Variants in CD8B2 observed in about 807,000 individuals in gnomAD.
CD8B2 encodes the protein CD8B family member 2, also known as T-cell surface glycoprotein CD8 beta-2 chain.
CD8B2 carries 11 observed loss-of-function variants against 23.7 expected under a neutral mutation model. The observed-to-expected ratio is 0.46, with a 90% CI of 0.29 to 0.77. CD8B2 has a LOEUF of 0.77. Ranked by LOEUF, CD8B2 falls within the 30% of genes least tolerant of loss-of-function variation. The pLI is 0.09. For missense variants in CD8B2, 197 were observed against 270.5 expected (o/e 0.73, Z 1.91); for synonymous variants, 90 against 109.3 (o/e 0.82, Z 1.10).
At chr2:106,501,227 A>C (rs1212140651) in intron 3 of CD8B2, among the ~76,000 whole-genome samples, 3 of 152,232 alleles carry the variant, frequency 2.0e-5, no homozygotes, top group East Asian at 3.9e-4. Context: ...CAAAAGGCCC[A>C]CTGATGACAA....
In CD8B2 at chr2:106,490,990, T is replaced by G; in HGVS notation, c.160T>G (p.Trp54Gly). 1 of 1,614,000 alleles carries G rather than the reference T, an allele frequency of 6.2e-7. No homozygotes were observed. Among genetic ancestry groups the G allele is most frequent in the Non-Finnish European group, 8.5e-7 (1 of 1,179,868 alleles). ...KISLSNMCIYWLRQRQAPSSD... is the reference protein window; with the variant it reads ...KISLSNMCIYGLRQRQAPSSD... ...CTCCCTCAGTAACATGTGCATCTAC[T>G]GGCTGAGACAGCGCCAGGCCCCGAG... Residue 54 changes from tryptophan to glycine, a missense_variant, in exon 2 of 6, where the codon TGG (tryptophan) becomes GGG (glycine). This residue lies in a region of CD8B2 where 140 missense variants were observed against 164.2 expected (regional missense o/e 0.85). Coordinates refer to ENST00000643224, the MANE Select transcript of CD8B2 (RefSeq NM_001349727.2).
At chr2:106,521,368 C>T (rs1679823354) in intron 5 of CD8B2, among the ~76,000 whole-genome samples, 1 of 152,210 alleles carries the variant, frequency 6.6e-6, no homozygotes, top group South Asian at 2.1e-4. Flanking sequence ...CCTAATGGCA[C>T]GGCTGCTAGC....
intron 5 of CD8B2, among the ~76,000 whole-genome samples, chr2:106,520,627 C>A (rs1055391448): frequency 1.3e-5 from 2 of 152,158 alleles, no homozygotes; most frequent in African/African-American, 4.8e-5. Flanking sequence ...CATGGTGGCT[C>A]ACACCTATAA....
intron 5 of CD8B2, among the ~76,000 whole-genome samples, chr2:106,505,467 G>T (rs1384712021): frequency 6.6e-6 from 1 of 152,152 alleles, no homozygotes; most frequent in Non-Finnish European, 1.5e-5. Context: ...CAATCTCACA[G>T]TCAGTGTGAG....
chr2:106,501,719 T>A (rs1679411237), intron 3 of CD8B2, among the ~76,000 whole-genome samples: 1 of 152,222 alleles, frequency 6.6e-6, no homozygotes, highest in Middle Eastern at 3.4e-3. Flanking sequence ...ACCCTATATG[T>A]ATCTATAAAA....
At chr2:106,521,023 GGAGA>G (rs70953586) in intron 5 of CD8B2, among the ~76,000 whole-genome samples, 31,720 of 130,310 alleles carry the variant, frequency 0.24, 3,823 homozygotes, top group African/African-American at 0.3. Context: ...ATGTTTTAAG[GGAGA>G]GAGAGAGAGA....
chr2:106,540,710 G>C (rs927243964), intron 5 of CD8B2, among the ~76,000 whole-genome samples: 1 of 151,938 alleles, frequency 6.6e-6, no homozygotes, highest in Non-Finnish European at 1.5e-5. Flanking sequence ...GATTACAGGC[G>C]CCTACCACCA....
chr2:106,527,191 G>T (rs1024106198), intron 5 of CD8B2, among the ~76,000 whole-genome samples: 6 of 152,116 alleles, frequency 3.9e-5, no homozygotes, highest in Non-Finnish European at 8.8e-5. Context: ...TTCCCACCAG[G>T]AATGTAAGAG....
rs1393789172 is a variant in CD8B2 at position 106,510,377 on chromosome 2, CT to C, written c.*3442del. 6.6e-6 allele frequency: 1 copy of C among 151,794 alleles called. No individual in the cohort carries two copies. The highest frequency in any genetic ancestry group is 2.4e-5 in the African/African-American group (1 of 41,260). The allele number at this position is 151,794 out of a possible 1,614,324, so 9.4% of individuals were successfully genotyped here. A position where few individuals can be genotyped will look rare whatever the true frequency, so the allele number is the denominator to read the frequency against. ...TGTAAATTATACTTCAAGAAAGAGA[CT>C]TTTTAAAATCCAAGTACAGAACATT... On this transcript the variant is annotated 3_prime_UTR_variant, in exon 6 of 6. Coordinates refer to ENST00000643224, the MANE Select transcript of CD8B2 (RefSeq NM_001349727.2).
chr2:106,501,661 G>A (rs1331284653), intron 3 of CD8B2, among the ~76,000 whole-genome samples: 1 of 152,172 alleles, frequency 6.6e-6, no homozygotes, highest in Non-Finnish European at 1.5e-5. Flanking sequence ...CAGCCTGGGC[G>A]ACAGAGCGAG....
At chr2:106,534,389 A>G (rs1281164640) in intron 5 of CD8B2, among the ~76,000 whole-genome samples, 1 of 152,208 alleles carries the variant, frequency 6.6e-6, no homozygotes, top group Non-Finnish European at 1.5e-5. Flanking sequence ...TGAAAGAAAA[A>G]GATCCGATGC....
intron 5 of CD8B2, among the ~76,000 whole-genome samples, chr2:106,536,270 G>C (rs747543483): frequency 6.6e-6 from 1 of 152,122 alleles, no homozygotes; most frequent in Non-Finnish European, 1.5e-5. Flanking sequence ...GACTTCAGGT[G>C]ATCCGCCTGC....
intron 2 of CD8B2, among the ~76,000 whole-genome samples, chr2:106,494,093 CA>C (rs1295990548): frequency 6.6e-6 from 1 of 151,966 alleles, no homozygotes; most frequent in Non-Finnish European, 1.5e-5. Context: ...TAGAAGATGC[CA>C]GCCCAAAAAT....
At chr2:106,534,774 C>T (rs1205199401) in intron 5 of CD8B2, among the ~76,000 whole-genome samples, 1 of 152,110 alleles carries the variant, frequency 6.6e-6, no homozygotes, top group African/African-American at 2.4e-5. Context: ...GTTCAAAACA[C>T]TGGAAGAGAA....
At chr2:106,538,028 G>A (rs1163279022) in intron 5 of CD8B2, 1 of 152,254 alleles carries the variant, frequency 6.6e-6, no homozygotes, top group Non-Finnish European at 1.5e-5. Context: ...CAAATGCTCA[G>A]TGATTGCGGA....
At chr2:106,535,488 G>T (rs949785029) in intron 5 of CD8B2, 1 of 152,024 alleles carries the variant, frequency 6.6e-6, no homozygotes, top group African/African-American at 2.4e-5. Context: ...GATGGATGAG[G>T]CTCCTACCAG....
intron 5 of CD8B2, among the ~76,000 whole-genome samples, chr2:106,519,062 T>TCATCCATCCATCCATC (rs142808385): frequency 2.0e-5 from 3 of 151,892 alleles, no homozygotes; most frequent in African/African-American, 7.3e-5. Flanking sequence ...CACTGCTCCA[T>TCATCCATCCATCCATC]CATCCATCCA....
chr2:106,490,789 T>C (rs925008615), intron 1 of CD8B2, 85 bp from the exon 2 acceptor site: 1 of 1,527,750 alleles, frequency 6.5e-7, no homozygotes, highest in African/African-American at 1.4e-5. Flanking sequence ...TGGCTTTTCC[T>C]TTGACACTTG....
chr2:106,527,879 T>C (rs974333927), intron 5 of CD8B2, among the ~76,000 whole-genome samples: 1 of 152,082 alleles, frequency 6.6e-6, no homozygotes, highest in African/African-American at 2.4e-5. Flanking sequence ...CACCCAACTG[T>C]AAAAGTGGGG....
Sources: gnomAD v4.1 joint callset for allele counts (sites outside exome capture counted in the v4.1 genomes callset) on GRCh38, gnomAD v4.1.1 for gene constraint, gnomAD v4.1.1 regional missense constraint, MANE v1.5 for transcripts, NCBI Gene and HGNC (gene_info 2026-07-23, HGNC 2026-07-21) for gene names.